The following CENPK variants were observed in gnomAD, a reference collection of about 807,000 sequenced individuals.
CENPK encodes the protein SoxLZ/Sox6-binding protein Solt.
In CENPK, 46 loss-of-function variants were observed where a neutral mutation model predicts 40.9. That is an observed-to-expected ratio of 1.13 (90% CI 0.89 to 1.44). The LOEUF (loss-of-function observed/expected upper bound fraction) is 1.44, where lower values mean the gene tolerates loss of function less well. CENPK is among the 40% of genes most tolerant of loss of function. The probability of loss-of-function intolerance (pLI) is 0.00; values close to 1 mark genes in which losing one functional copy is unlikely to be tolerated. For synonymous variants in CENPK, 107 were observed against 104.4 expected (o/e 1.02, Z -0.15); for missense variants, 288 against 303.5 (o/e 0.95, Z 0.38).
intron 5 of CENPK, among the ~76,000 whole-genome samples, chr5:65,548,630 C>A (rs1257179655): frequency 2.0e-5 from 3 of 152,182 alleles, no homozygotes; most frequent in Non-Finnish European, 4.4e-5. Context: ...GCCTTACCAA[C>A]AAAGTTTATG....
At chr5:65,556,835 C>T (rs374181116) in intron 2 of CENPK, among the ~76,000 whole-genome samples, 3 of 151,992 alleles carry the variant, frequency 2.0e-5, no homozygotes, top group Non-Finnish European at 2.9e-5. Flanking sequence ...TTTACTGTAC[C>T]GTTTCTATGT....
At chr5:65,511,747 C>T in the CENPK span, among the ~76,000 whole-genome samples, 1 of 152,134 alleles carries the variant, frequency 6.6e-6, no homozygotes, top group East Asian at 1.9e-4. Context: ...GTTGCATGCT[C>T]CTTATGAGAA....
the CENPK span, among the ~76,000 whole-genome samples, chr5:65,509,701 T>C: frequency 6.6e-6 from 1 of 152,308 alleles, no homozygotes; most frequent in Middle Eastern, 3.4e-3. Flanking sequence ...TTTTAATGAG[T>C]TTCCCTTTAC....
At chr5:65,527,115 A>C (rs906992830) in intron 9 of CENPK, among the ~76,000 whole-genome samples, 2 of 152,076 alleles carry the variant, frequency 1.3e-5, no homozygotes, top group Non-Finnish European at 2.9e-5. Context: ...AAAATAAATA[A>C]AAAATAAAAA....
intron 2 of CENPK, among the ~76,000 whole-genome samples, chr5:65,556,271 C>T (rs371986624): frequency 4.7e-4 from 72 of 152,170 alleles, no homozygotes; most frequent in African/African-American, 1.7e-3. Flanking sequence ...TCAGGAGTTC[C>T]AGAACAGCCT....
intron 6 of CENPK, among the ~76,000 whole-genome samples, chr5:65,534,951 C>A (rs1352528626): frequency 1.3e-5 from 2 of 152,186 alleles, no homozygotes; most frequent in Admixed American, 1.3e-4. Flanking sequence ...GGCACCATGG[C>A]TCATGCCTGT....
the CENPK span, among the ~76,000 whole-genome samples, chr5:65,496,298 T>C: frequency 1.3e-5 from 2 of 152,120 alleles, no homozygotes; most frequent in Non-Finnish European, 2.9e-5. Context: ...TTTGACCTAG[T>C]GTCTCTATTT....
At chr5:65,501,942 C>T in the CENPK span, among the ~76,000 whole-genome samples, 1 of 152,152 alleles carries the variant, frequency 6.6e-6, no homozygotes, top group Non-Finnish European at 1.5e-5. Flanking sequence ...AACAGGGTTG[C>T]CTCTTTACTA....
the CENPK span, among the ~76,000 whole-genome samples, chr5:65,497,134 G>GA: frequency 1.2e-4 from 18 of 151,728 alleles, no homozygotes; most frequent in Admixed American, 3.3e-4. Context: ...TTGGGAGGCT[G>GA]AGGCGGGCGG....
intron 9 of CENPK, among the ~76,000 whole-genome samples, chr5:65,524,957 T>C (rs1744420905): frequency 6.6e-6 from 1 of 152,214 alleles, no homozygotes; most frequent in Non-Finnish European, 1.5e-5. Flanking sequence ...TTCACTTGTT[T>C]CCTTTATATT....
At chr5:65,542,686 G>A in intron 6 of CENPK, 116 bp downstream of exon 6, 1 of 717,184 alleles carries the variant, frequency 1.4e-6, no homozygotes, top group Non-Finnish European at 2.2e-6. Flanking sequence ...AATAAAAGCA[G>A]AAAATTTAAT....
At chr5:65,553,521 G>A (rs75473452) in intron 3 of CENPK, among the ~76,000 whole-genome samples, 2,061 of 152,230 alleles carry the variant, frequency 0.014, 51 homozygotes, top group African/African-American at 0.047. Context: ...CACCAACTTA[G>A]AAAAAGTACA....
At chr5:65,497,338 C>T in the CENPK span, among the ~76,000 whole-genome samples, 1 of 151,844 alleles carries the variant, frequency 6.6e-6, no homozygotes, top group Admixed American at 6.6e-5. Context: ...CACTGCACTC[C>T]AGCCTAAGCG....
At chr5:65,501,400 A>G in the CENPK span, among the ~76,000 whole-genome samples, 2 of 151,934 alleles carry the variant, frequency 1.3e-5, no homozygotes, top group African/African-American at 2.4e-5. Flanking sequence ...GCTGGTCCCG[A>G]ACTCCTGACC....
chr5:65,519,545 C>T (rs766169680), intron 10 of CENPK, among the ~76,000 whole-genome samples: 2 of 152,044 alleles, frequency 1.3e-5, no homozygotes, highest in East Asian at 1.9e-4. Context: ...GATTAGACTC[C>T]GTATCTCTGA....
intron 6 of CENPK, among the ~76,000 whole-genome samples, chr5:65,540,004 A>T (rs1747671387): frequency 6.6e-6 from 1 of 152,166 alleles, no homozygotes; most frequent in Non-Finnish European, 1.5e-5. Context: ...CTTACATTGC[A>T]TTCTTCCATT....
chr5:65,540,296 A>G (rs1044944788), intron 6 of CENPK, among the ~76,000 whole-genome samples: 6 of 152,186 alleles, frequency 3.9e-5, no homozygotes, highest in Non-Finnish European at 5.9e-5. Flanking sequence ...CTTCATTCCT[A>G]TAAGTTCTAT....
chr5:65,536,927 T>A (rs1332730082), intron 6 of CENPK, among the ~76,000 whole-genome samples: 1 of 152,294 alleles, frequency 6.6e-6, no homozygotes, highest in African/African-American at 2.4e-5. Context: ...GGCTCCACCC[T>A]CATGAAGTGA....
At chr5:65,551,660 AT>A (rs754531697) in intron 4 of CENPK, 24 bp from the exon 5 acceptor site, 1 of 1,354,218 alleles carries the variant, frequency 7.4e-7, no homozygotes, top group Non-Finnish European at 1.0e-6. Flanking sequence ...AAACAAAGTC[AT>A]TTTCTGTGGA....
Sources: gnomAD v4.1 joint callset for allele counts (sites outside exome capture counted in the v4.1 genomes callset) on GRCh38, gnomAD v4.1.1 for gene constraint, MANE v1.5 for transcripts, NCBI Gene and HGNC (gene_info 2026-07-23, HGNC 2026-07-21) for gene names.